Variants in MARCHF11 observed in about 807,000 individuals in gnomAD.
MARCHF11 encodes the protein membrane associated ring-CH-type finger 11, also known as E3 ubiquitin-protein ligase MARCHF11.
A neutral mutation model predicts 37.3 loss-of-function variants in MARCHF11; 29 were observed. That is an observed-to-expected ratio of 0.78 (90% CI 0.58 to 1.06). MARCHF11 has a LOEUF of 1.06. Ranked by LOEUF, MARCHF11 falls within the 50% of genes least tolerant of loss-of-function variation. The pLI is 0.00. For synonymous variants in MARCHF11, 233 were observed against 228.0 expected, an observed-to-expected ratio of 1.02 and a Z score of -0.20; for missense variants, 482 against 533.4, an observed-to-expected ratio of 0.90 and a Z score of 0.95.
chr5:16,093,413 G>T (rs757616818), intron 2 of MARCHF11, among the ~76,000 whole-genome samples: 1 of 152,148 alleles, frequency 6.6e-6, no homozygotes, highest in Non-Finnish European at 1.5e-5. Context: ...ATTCACCGTG[G>T]TGTCTGTAGA....
intron 3 of MARCHF11, among the ~76,000 whole-genome samples, chr5:16,075,554 C>G (rs916338721): frequency 6.6e-6 from 1 of 151,990 alleles, no homozygotes; most frequent in Non-Finnish European, 1.5e-5. Context: ...TCTCAGTACC[C>G]AGGTCAAAAC....
At chr5:16,159,623 C>T (rs1406983728) in intron 2 of MARCHF11, among the ~76,000 whole-genome samples, 1 of 151,812 alleles carries the variant, frequency 6.6e-6, no homozygotes, top group Non-Finnish European at 1.5e-5. Context: ...TTGTATTTCC[C>T]ATTTAGAAAA....
chr5:16,124,917 G>A (rs7723411), intron 2 of MARCHF11, among the ~76,000 whole-genome samples: 16 of 151,326 alleles, frequency 1.1e-4, no homozygotes, highest in African/African-American at 1.7e-4. Context: ...CCTCTTAGTC[G>A]TTTCTAAGTT....
Position 16,067,531 on chromosome 5 carries a change from AT to A in MARCHF11, c.1148del (p.His383LeufsTer14). 1.2e-6 allele frequency: 2 copies of A among 1,613,894 alleles called. No individual in the cohort carries two copies. The highest frequency in any genetic ancestry group is 1.7e-6 in the Non-Finnish European group (2 of 1,179,852). ...AGCTGTTATCTTCTGATAAGTCTTC[AT>A]GGGGCCTCATCCGATTGAACAGGTG... ...LLHLFNRMRP[H>X]EDLSEDNSSG... On this transcript the variant is annotated frameshift_variant, in exon 4 of 4. Transcript: ENST00000332432. LOFTEE classifies it high-confidence loss of function.
At chr5:16,159,473 G>T (rs1738036574) in intron 2 of MARCHF11, among the ~76,000 whole-genome samples, 1 of 151,956 alleles carries the variant, frequency 6.6e-6, no homozygotes, top group Non-Finnish European at 1.5e-5. Context: ...TAACTAATAG[G>T]TCATATTCTC....
chr5:16,079,233 T>C (rs1379123087), intron 3 of MARCHF11, among the ~76,000 whole-genome samples: 1 of 152,042 alleles, frequency 6.6e-6, no homozygotes, highest in Non-Finnish European at 1.5e-5. Flanking sequence ...GCTCTGAAGC[T>C]CTCCCATCCC....
intron 2 of MARCHF11, among the ~76,000 whole-genome samples, chr5:16,125,690 A>T (rs1204305710): frequency 2.0e-5 from 3 of 150,368 alleles, no homozygotes; most frequent in Non-Finnish European, 3.0e-5. Context: ...CCACTGCTTT[A>T]TTACAATATC....
chr5:16,069,858 C>A (rs115421632), intron 3 of MARCHF11, among the ~76,000 whole-genome samples: 306 of 152,134 alleles, frequency 2.0e-3, no homozygotes, highest in African/African-American at 7.0e-3. Flanking sequence ...ATACAGCTAC[C>A]CAGTCCTTGA....
chr5:16,125,888 TAAGA>T (rs1737398142), intron 2 of MARCHF11, among the ~76,000 whole-genome samples: 1 of 152,168 alleles, frequency 6.6e-6, no homozygotes, highest in Admixed American at 6.6e-5. Flanking sequence ...CTTTTATCCA[TAAGA>T]AAGGCACAGC....
chr5:16,077,676 A>G (rs1452687886), intron 3 of MARCHF11, among the ~76,000 whole-genome samples: 4 of 152,184 alleles, frequency 2.6e-5, no homozygotes, highest in Non-Finnish European at 5.9e-5. Context: ...TTTTAACCTA[A>G]ATATAAAAAT....
chr5:16,116,706 G>A (rs546077761), intron 2 of MARCHF11, among the ~76,000 whole-genome samples: 3 of 151,970 alleles, frequency 2.0e-5, no homozygotes, highest in African/African-American at 7.2e-5. Context: ...GGAATATCTG[G>A]AAAGAATGCA....
intron 1 of MARCHF11, among the ~76,000 whole-genome samples, chr5:16,178,655 C>G (rs980454728): frequency 6.6e-6 from 1 of 152,198 alleles, no homozygotes; most frequent in Non-Finnish European, 1.5e-5. Context: ...ACATCTGTCT[C>G]AAGATACATC....
At chr5:16,076,837 A>G (rs1371714975) in intron 3 of MARCHF11, among the ~76,000 whole-genome samples, 2 of 152,206 alleles carry the variant, frequency 1.3e-5, no homozygotes, top group Admixed American at 6.5e-5. Flanking sequence ...ATCGGGAGCC[A>G]TCCTCGGCCA....
At chr5:16,076,123 C>T (rs1736512092) in intron 3 of MARCHF11, among the ~76,000 whole-genome samples, 1 of 152,128 alleles carries the variant, frequency 6.6e-6, no homozygotes, top group South Asian at 2.1e-4. Context: ...TTCTAAGAAG[C>T]CAATGAATCA....
chr5:16,095,584 T>A (rs1292274528), intron 2 of MARCHF11, among the ~76,000 whole-genome samples: 1 of 152,216 alleles, frequency 6.6e-6, no homozygotes, highest in Non-Finnish European at 1.5e-5. Context: ...TCTGTGTCTT[T>A]GAGCACGCTC....
At chr5:16,177,957 C>T in intron 1 of MARCHF11, 76 bp from the exon 2 acceptor site, 1 of 1,412,360 alleles carries the variant, frequency 7.1e-7, no homozygotes, top group Non-Finnish European at 9.5e-7. Flanking sequence ...CCTTTCTTTT[C>T]TTTCAAAGCC....
intron 3 of MARCHF11, 29 bp downstream of exon 3, chr5:16,090,860 T>C (rs895556853): frequency 4.9e-6 from 7 of 1,424,872 alleles, no homozygotes; most frequent in African/African-American, 4.4e-5. Flanking sequence ...TTACTGACAG[T>C]GTGTTAACGT....
At chr5:16,067,870 AGGGATCC>A in intron 3 of MARCHF11, 77 bp from the exon 4 acceptor site, 1 of 1,257,098 alleles carries the variant, frequency 8.0e-7, no homozygotes, top group Admixed American at 2.6e-5. Context: ...TATACAAGTA[AGGGATCC>A]AAAAATAGTT....
intron 2 of MARCHF11, among the ~76,000 whole-genome samples, chr5:16,096,675 G>A (rs1167864000): frequency 6.6e-6 from 1 of 152,186 alleles, no homozygotes; most frequent in Non-Finnish European, 1.5e-5. Context: ...GAATAAAGGA[G>A]GGAAGAGAAA....
Sources: gnomAD v4.1 joint callset for allele counts (sites outside exome capture counted in the v4.1 genomes callset) on GRCh38, gnomAD v4.1.1 for gene constraint, MANE v1.5 for transcripts, NCBI Gene and HGNC (gene_info 2026-07-23, HGNC 2026-07-21) for gene names.